MGAT4C: variants seen among roughly 807,000 people sequenced by gnomAD.
MGAT4C encodes the protein MGAT4 family member C.
MGAT4C carries 19 observed loss-of-function variants against 40.1 expected under a neutral mutation model. The ratio of observed to expected loss-of-function variants is 0.47; its 90% CI spans 0.33 to 0.70. The LOEUF (loss-of-function observed/expected upper bound fraction) is 0.70. Among genes scored for constraint, MGAT4C ranks in the 30% least tolerant of loss-of-function variants. The pLI, the probability that MGAT4C is intolerant of heterozygous loss-of-function variation, is 0.02. For missense variants in MGAT4C, 491 were observed against 563.2 expected (o/e 0.87, Z 1.30); for synonymous variants, 181 against 187.1 (o/e 0.97, Z 0.27).
At chr12:86,197,691 T>C (rs895250926) in intron 1 of MGAT4C, among the ~76,000 whole-genome samples, 3 of 152,168 alleles carry the variant, frequency 2.0e-5, no homozygotes, top group Non-Finnish European at 2.9e-5. Context: ...CAAACTAAGA[T>C]AGACAGACAG....
At chr12:86,322,044 T>C (rs566673927) in intron 4 of MGAT4C, among the ~76,000 whole-genome samples, 135 of 151,676 alleles carry the variant, frequency 8.9e-4, no homozygotes, top group South Asian at 6.5e-3. Context: ...TATGCAGCCA[T>C]AAAAAAGGAT....
At chr12:86,246,663 A>T (rs919506882) in intron 1 of MGAT4C, among the ~76,000 whole-genome samples, 1 of 152,168 alleles carries the variant, frequency 6.6e-6, no homozygotes, top group Admixed American at 6.5e-5. Flanking sequence ...ACAAAGGTAA[A>T]TGTTACTTAA....
chr12:86,355,467 C>T (rs1289841009), intron 3 of MGAT4C, among the ~76,000 whole-genome samples: 1 of 152,038 alleles, frequency 6.6e-6, no homozygotes, highest in Non-Finnish European at 1.5e-5. Flanking sequence ...CCAGAAAACA[C>T]CAAATAGGAT....
At chr12:86,831,520 A>G (rs1272551067) in intron 1 of MGAT4C, among the ~76,000 whole-genome samples, 2 of 151,880 alleles carry the variant, frequency 1.3e-5, no homozygotes, top group African/African-American at 4.8e-5. Flanking sequence ...ACACTCTCAC[A>G]TATACACATT....
chr12:86,464,174 G>A (rs560458133), intron 2 of MGAT4C, among the ~76,000 whole-genome samples: 1 of 152,228 alleles, frequency 6.6e-6, no homozygotes, highest in South Asian at 2.1e-4. Context: ...CCTCACTGAT[G>A]ATTCCAAATA....
intron 4 of MGAT4C, among the ~76,000 whole-genome samples, chr12:86,276,058 C>CA (rs1953073757): frequency 6.7e-6 from 1 of 148,324 alleles, no homozygotes; most frequent in East Asian, 2.0e-4. Flanking sequence ...GCGGAGCTTG[C>CA]AGTGAGCCGA....
At chr12:86,138,790 T>C (rs1281359326) in intron 1 of MGAT4C, among the ~76,000 whole-genome samples, 3 of 151,802 alleles carry the variant, frequency 2.0e-5, no homozygotes, top group Non-Finnish European at 4.4e-5. Flanking sequence ...TAAGCGGGCA[T>C]TCAGACTTGG....
At chr12:86,383,191 C>G (rs1165277895) in intron 3 of MGAT4C, among the ~76,000 whole-genome samples, 1 of 152,156 alleles carries the variant, frequency 6.6e-6, no homozygotes, top group Admixed American at 6.6e-5. Flanking sequence ...GGGAGCCCAT[C>G]CCCTGCATCA....
At chr12:86,495,180 C>T (rs1475826991) in intron 2 of MGAT4C, 1 of 152,094 alleles carries the variant, frequency 6.6e-6, no homozygotes, top group South Asian at 2.1e-4. Flanking sequence ...GAAATATTCT[C>T]TTGAGAGGAT....
intron 1 of MGAT4C, among the ~76,000 whole-genome samples, chr12:86,736,659 T>C (rs545610632): frequency 6.6e-6 from 1 of 151,830 alleles, no homozygotes; most frequent in Admixed American, 6.6e-5. Flanking sequence ...TCATTCACTT[T>C]TTTACTGTAC....
intron 2 of MGAT4C, among the ~76,000 whole-genome samples, chr12:86,024,521 G>T (rs921633076): frequency 6.6e-6 from 1 of 151,644 alleles, no homozygotes; most frequent in Non-Finnish European, 1.5e-5. Context: ...TTTTATAGAA[G>T]ATATAATTTT....
intron 1 of MGAT4C, among the ~76,000 whole-genome samples, chr12:86,203,568 A>G (rs17013781): frequency 0.042 from 6,354 of 152,206 alleles, 193 homozygotes; most frequent in Non-Finnish European, 0.062. Context: ...TTTTTTCTCC[A>G]TATCAATGTG....
intron 2 of MGAT4C, among the ~76,000 whole-genome samples, chr12:86,561,457 A>C (rs548387884): frequency 2.6e-5 from 4 of 152,332 alleles, no homozygotes; most frequent in Non-Finnish European, 5.9e-5. Flanking sequence ...GAAAGAGCAG[A>C]CATGCTGAGT....
chr12:86,505,099 G>A (rs1027640927), intron 2 of MGAT4C, among the ~76,000 whole-genome samples: 2 of 152,102 alleles, frequency 1.3e-5, no homozygotes, highest in Non-Finnish European at 2.9e-5. Flanking sequence ...GTATCTGCCA[G>A]TGATAACGCC....
rs544495754 is a variant in MGAT4C, at chr12:86,672,500, G to T, written c.-229+54709C>A. On this transcript the variant is annotated intron_variant, in intron 2 of 7. Coordinates refer to the MGAT4C transcript ENST00000548651. ...CCAACAAAATGAAATGAGTTTTTTTGAAAAGATAAACGAAATTGACAAACC... is the reference window on the plus strand; with the variant it reads ...CCAACAAAATGAAATGAGTTTTTTTTAAAAGATAAACGAAATTGACAAACC... Among the ~76,000 whole-genome samples the T allele has an allele frequency of 2.0e-5, 3 of 151,808 alleles. No homozygotes were observed. The East Asian group carries it at 5.8e-4, about 29-fold the overall frequency.
rs1320130250 is a variant in MGAT4C, at chr12:85,987,116, A to T, written c.147+2284T>A. 1.5e-4 allele frequency among the ~76,000 whole-genome samples: 11 copies of T among 73,830 alleles called. No homozygotes were observed. The East Asian group carries it at 1.5e-3, about 10-fold the overall frequency. The allele number at this position is 73,830 out of a possible 152,430, so 48.4% of individuals were successfully genotyped here. A position where few individuals can be genotyped will look rare whatever the true frequency, so the allele number is the denominator to read the frequency against. On this transcript the variant is annotated intron_variant, in intron 3 of 4. Coordinates refer to ENST00000611864, the MANE Select transcript of MGAT4C (RefSeq NM_001351288.2). ...CTTTTGTAAGTATTTTAAAATAATA[A>T]TTTTTTTTTTTTTTTTTTTTTTTTT...
intron 2 of MGAT4C, among the ~76,000 whole-genome samples, chr12:86,631,476 G>A (rs1367700368): frequency 2.0e-5 from 3 of 152,026 alleles, no homozygotes; most frequent in Non-Finnish European, 2.9e-5. Context: ...AGCAAAGCTG[G>A]AGGCATCATG....
At chr12:86,553,919 C>T (rs1215823899) in intron 2 of MGAT4C, among the ~76,000 whole-genome samples, 1 of 152,142 alleles carries the variant, frequency 6.6e-6, no homozygotes, top group African/African-American at 2.4e-5. Flanking sequence ...TGGTCTCCTA[C>T]CCATTTATAA....
intron 2 of MGAT4C, among the ~76,000 whole-genome samples, chr12:86,704,013 G>A (rs941700832): frequency 6.6e-6 from 1 of 152,034 alleles, no homozygotes; most frequent in Non-Finnish European, 1.5e-5. Context: ...TTTGCTTAAA[G>A]TAACCAAGGA....
Sources: gnomAD v4.1 joint callset for allele counts (sites outside exome capture counted in the v4.1 genomes callset) on GRCh38, gnomAD v4.1.1 for gene constraint, MANE v1.5 for transcripts, NCBI Gene and HGNC (gene_info 2026-07-23, HGNC 2026-07-21) for gene names.